Variants in IL1RAPL2 observed in about 807,000 individuals in gnomAD.
IL1RAPL2 encodes the protein X-linked interleukin-1 receptor accessory protein-like 2.
A neutral mutation model predicts 44.1 loss-of-function variants in IL1RAPL2; 3 were observed. The ratio of observed to expected loss-of-function variants is 0.07; its 90% confidence interval spans 0.03 to 0.18. IL1RAPL2 has a LOEUF of 0.18. Among genes scored for constraint, IL1RAPL2 ranks in the 10% least tolerant of loss-of-function variants. The pLI is 1.00. For missense variants in IL1RAPL2, 391 were observed against 496.4 expected, an observed-to-expected ratio of 0.79 and a Z score of 2.02; for synonymous variants, 181 against 178.8, an observed-to-expected ratio of 1.01 and a Z score of -0.10.
chrX:105,363,069 T>C (rs1189832193), intron 5 of IL1RAPL2, among the ~76,000 whole-genome samples: 1 of 107,311 alleles, frequency 9.3e-6, no homozygotes, highest in Non-Finnish European at 1.9e-5. Context: ...TCTGTTTCTA[T>C]GAGATTAGCT....
At chrX:104,949,898 T>G (rs1190104483) in intron 2 of IL1RAPL2, among the ~76,000 whole-genome samples, 13 of 111,468 alleles carry the variant, frequency 1.2e-4, no homozygotes, top group Admixed American at 8.6e-4. Flanking sequence ...ATATTCTGTT[T>G]TTTTGGGGTG....
At chrX:105,040,490 G>T (rs1425602651) in intron 2 of IL1RAPL2, among the ~76,000 whole-genome samples, 1 of 111,029 alleles carries the variant, frequency 9.0e-6, no homozygotes, top group East Asian at 2.8e-4. Context: ...GGTAGAATTT[G>T]GCTGTGAATC....
At chrX:105,750,144 T>C (rs932892492) in intron 9 of IL1RAPL2, among the ~76,000 whole-genome samples, 1 of 111,208 alleles carries the variant, frequency 9.0e-6, no homozygotes, top group Non-Finnish European at 1.9e-5. Context: ...ATTTTGGTCT[T>C]ATTGTTACTA....
At chrX:104,739,373 C>G (rs959622944) in intron 2 of IL1RAPL2, among the ~76,000 whole-genome samples, 1 of 112,353 alleles carries the variant, frequency 8.9e-6, no homozygotes. Flanking sequence ...GGTTCTCAAA[C>G]TTGGCTTCAC....
intron 6 of IL1RAPL2, among the ~76,000 whole-genome samples, chrX:105,643,454 A>G (rs1177156078): frequency 1.1e-4 from 12 of 111,512 alleles, no homozygotes; most frequent in Admixed American, 8.6e-4. Flanking sequence ...TGCCTTTAGC[A>G]TATTACAGAG....
chrX:105,215,999 A>G (rs1556165383), intron 3 of IL1RAPL2, among the ~76,000 whole-genome samples: 1 of 111,598 alleles, frequency 9.0e-6, no homozygotes, highest in Non-Finnish European at 1.9e-5. Flanking sequence ...ACCCATAACC[A>G]ATATCATACT....
chrX:104,869,146 C>T (rs931093235), intron 2 of IL1RAPL2, among the ~76,000 whole-genome samples: 1 of 111,004 alleles, frequency 9.0e-6, no homozygotes, highest in Non-Finnish European at 1.9e-5. Context: ...TCTTGTGTAT[C>T]CTTAGTGTTA....
At chrX:105,473,928 A>G in intron 5 of IL1RAPL2, among the ~76,000 whole-genome samples, 1 of 111,857 alleles carries the variant, frequency 8.9e-6, no homozygotes, top group Non-Finnish European at 1.9e-5. Flanking sequence ...TCTATATTTT[A>G]TTTGATTACT....
chrX:105,002,038 A>C (rs760487061), intron 2 of IL1RAPL2, among the ~76,000 whole-genome samples: 6 of 111,021 alleles, frequency 5.4e-5, no homozygotes, highest in African/African-American at 2.0e-4. Flanking sequence ...GAATTTCGGA[A>C]GATTGCAGCA....
At chrX:105,748,644 C>T (rs2038569946) in intron 8 of IL1RAPL2, among the ~76,000 whole-genome samples, 1 of 111,993 alleles carries the variant, frequency 8.9e-6, no homozygotes, top group African/African-American at 3.2e-5. Context: ...AATAAAGTAG[C>T]TTTAATAGTT....
At chrX:105,531,526 AT>A (rs978120912) in intron 6 of IL1RAPL2, among the ~76,000 whole-genome samples, 6 of 110,186 alleles carry the variant, frequency 5.4e-5, no homozygotes, top group Non-Finnish European at 1.1e-4. Context: ...TGTTGGTTAT[AT>A]TTTTTTTGGC....
chrX:104,775,881 G>A (rs1358830580), intron 2 of IL1RAPL2, among the ~76,000 whole-genome samples: 1 of 110,252 alleles, frequency 9.1e-6, no homozygotes, highest in East Asian at 2.9e-4. Flanking sequence ...GAGGGAGAGG[G>A]TAAGTGGGGT....
chrX:105,686,625 G>A (rs1016465272), intron 6 of IL1RAPL2, among the ~76,000 whole-genome samples: 4 of 110,456 alleles, frequency 3.6e-5, no homozygotes, highest in African/African-American at 1.3e-4. Context: ...ATAATAATGG[G>A]AGACTTTAAC....
intron 2 of IL1RAPL2, among the ~76,000 whole-genome samples, chrX:105,104,142 T>C (rs1159887604): frequency 2.7e-5 from 3 of 111,367 alleles, no homozygotes; most frequent in Non-Finnish European, 5.7e-5. Context: ...TGAGCAGAAC[T>C]TCAAGCTCTT....
chrX:104,608,662 CTTTTTTT>C (rs60105376), intron 1 of IL1RAPL2, among the ~76,000 whole-genome samples: 11 of 58,537 alleles, frequency 1.9e-4, no homozygotes, highest in Non-Finnish European at 2.3e-4. Context: ...GCAACCCCTG[CTTTTTTT>C]TTTTTTTTTT....
intron 6 of IL1RAPL2, among the ~76,000 whole-genome samples, chrX:105,677,327 A>T (rs922421456): frequency 3.6e-5 from 4 of 111,683 alleles, no homozygotes; most frequent in African/African-American, 9.8e-5. Flanking sequence ...GTACAAGTAA[A>T]ACTTCTTTAA....
chrX:105,275,150 A>G (rs1375345317), intron 5 of IL1RAPL2, among the ~76,000 whole-genome samples: 1 of 110,426 alleles, frequency 9.1e-6, no homozygotes, highest in Non-Finnish European at 1.9e-5. Flanking sequence ...GGTGGAGGTT[A>G]CAGGGAACTG....
At chrX:105,690,861 G>A (rs953428240) in intron 6 of IL1RAPL2, among the ~76,000 whole-genome samples, 2 of 111,359 alleles carry the variant, frequency 1.8e-5, no homozygotes, top group Non-Finnish European at 3.8e-5. Flanking sequence ...CATAAACTGG[G>A]TGGCTTAATC....
At chrX:105,424,654 G>A (rs2035796436) in intron 5 of IL1RAPL2, among the ~76,000 whole-genome samples, 1 of 110,007 alleles carries the variant, frequency 9.1e-6, no homozygotes, top group Non-Finnish European at 1.9e-5. Flanking sequence ...GGAGGCTGAG[G>A]CAGGAGAATC....
Sources: gnomAD v4.1 joint callset for allele counts (sites outside exome capture counted in the v4.1 genomes callset) on GRCh38, gnomAD v4.1.1 for gene constraint, MANE v1.5 for transcripts, NCBI Gene and HGNC (gene_info 2026-07-23, HGNC 2026-07-21) for gene names.